ZNF225: variants seen among roughly 807,000 people sequenced by gnomAD.
ZNF225 encodes zinc finger protein 225.
Under a neutral mutation model 12.0 loss-of-function variants are expected in ZNF225, and 6 were observed. The ratio of observed to expected loss-of-function variants is 0.50; its 90% CI spans 0.27 to 0.98. The LOEUF (loss-of-function observed/expected upper bound fraction) is 0.98. Ranked by LOEUF, ZNF225 falls within the 50% of genes least tolerant of loss-of-function variation. ZNF225 has a pLI of 0.11. For missense variants in ZNF225, 763 were observed against 848.2 expected (o/e 0.90, Z 1.25); for synonymous variants, 271 against 283.2 (o/e 0.96, Z 0.43).
chr19:44,131,777 C>T lies in ZNF225; in HGVS notation c.1163C>T (p.Ser388Leu). ...AGCTTCAGATGGGCCTCAGGTCTTT[C>T]AAGACATGTGCGAGTCCACAGTGGA... ...GKSFRWASGL[S>L]RHVRVHSGET... Residue 388 changes from serine (S) to leucine (L), a missense_variant, in exon 5 of 5, where the codon TCA becomes TTA. Transcript: ENST00000262894. 6.2e-7 allele frequency: 1 copy of T among 1,613,902 alleles called. No homozygotes were observed. The highest frequency in any genetic ancestry group is 1.6e-4 in the Middle Eastern group (1 of 6,062).
rs988627546 is a variant in ZNF225, at chr19:44,132,212, T to C, written c.1598T>C (p.Val533Ala). 6.2e-7 allele frequency: 1 copy of C among 1,612,468 alleles called. No homozygotes were observed. The highest frequency in any genetic ancestry group is 1.3e-5 in the African/African-American group (1 of 74,286). ...TCACAACTTTATTCTCATCGCAGAG[T>C]CCACACTGGAGTAAAGCCATACAAA... ...QNSQLYSHRR[V>A]HTGVKPYKCE... Residue 533 changes from valine (V) to alanine (A), a missense_variant, in exon 5 of 5, where the codon GTC becomes GCC. Val to Ala is a moderately conservative substitution (Grantham distance 64). Transcript: ENST00000262894.
chr19:44,122,759 A>G (rs2147562003), intron 4 of ZNF225, among the ~76,000 whole-genome samples: 1 of 151,972 alleles, frequency 6.6e-6, no homozygotes, highest in East Asian at 1.9e-4. Context: ...TTTTGCAACT[A>G]TTATAATAGG....
rs1253140972 is a variant in ZNF225 at position 44,130,982 on chromosome 19, A to T, written c.368A>T (p.Gln123Leu). The change falls in exon 5 of 5, where the codon CAG becomes CTG. Residue 123 changes from glutamine to leucine, a missense_variant. By Grantham distance (113) the Gln-to-Leu change is moderately radical. Transcript: ENST00000262894. ...CAAGACTCCATGGTAAACAGCTTTC[A>T]GTTCTCCAAACAAGATGATATGCCC... ...RFQDSMVNSF[Q>L]FSKQDDMPCQ... 1 of 1,614,066 alleles carries T rather than the reference A, an allele frequency of 6.2e-7. No individual in the cohort carries two copies. The highest frequency in any genetic ancestry group is 2.2e-5 in the East Asian group (1 of 44,862).
rs1199585714 is a variant in ZNF225 at position 44,130,973 on chromosome 19, A to G, written c.359A>G (p.Asn120Ser). ...ACCAGGTTTCAAGACTCCATGGTAA[A>G]CAGCTTTCAGTTCTCCAAACAAGAT... ...DLTRFQDSMV[N>S]SFQFSKQDDM... Residue 120 changes from asparagine (N) to serine (S), a missense_variant, in exon 5 of 5, where the codon AAC (asparagine) becomes AGC (serine). Coordinates refer to ENST00000262894, the MANE Select transcript of ZNF225 (RefSeq NM_013362.4). 5.6e-6 allele frequency: 9 copies of G among 1,613,960 alleles called. No individual in the cohort carries two copies. Among genetic ancestry groups the G allele is most frequent in the Non-Finnish European group, 7.6e-6 (9 of 1,179,970 alleles).
At chr19:44,125,899 T>A (rs994452164) in intron 4 of ZNF225, among the ~76,000 whole-genome samples, 4 of 152,170 alleles carry the variant, frequency 2.6e-5, no homozygotes, top group Admixed American at 2.6e-4. Context: ...TATTTTTTTT[T>A]ATTTAAGCTA....
chr19:44,113,112 G>A (rs1967862412), upstream of ZNF225: 1 of 152,346 alleles, frequency 6.6e-6, no homozygotes. Context: ...GCATTCGGAG[G>A]AGTGTAATCC....
At chr19:44,116,713 G>A (rs1164412905) in intron 2 of ZNF225, among the ~76,000 whole-genome samples, 1 of 152,028 alleles carries the variant, frequency 6.6e-6, no homozygotes. Flanking sequence ...AAAAGGTGAT[G>A]GTATTATTTA....
At chr19:44,112,905 G>A (rs1967858846), upstream of ZNF225, 1 of 152,202 alleles carries the variant, frequency 6.6e-6, no homozygotes, top group Non-Finnish European at 1.5e-5. Context: ...TATCATTGGA[G>A]GCGTTTAGAC....
chr19:44,113,146 A>G (rs545858581), upstream of ZNF225: 3 of 152,548 alleles, frequency 2.0e-5, no homozygotes, highest in Non-Finnish European at 4.4e-5. Flanking sequence ...AGTCGTACAC[A>G]CTGGCTCCAG....
chr19:44,125,830 T>C (rs370724388), intron 4 of ZNF225, among the ~76,000 whole-genome samples: 287 of 152,322 alleles, frequency 1.9e-3, no homozygotes, highest in African/African-American at 6.3e-3. Flanking sequence ...ATTCTATTGC[T>C]GAGACTTTCC....
chr19:44,125,773 C>G (rs767422741), intron 4 of ZNF225, among the ~76,000 whole-genome samples: 1 of 152,076 alleles, frequency 6.6e-6, no homozygotes, highest in South Asian at 2.1e-4. Context: ...TGGGTTAATT[C>G]GAAGAACTTG....
chr19:44,130,623 C>T (rs536798389), intron 4 of ZNF225: 2 of 392,864 alleles, frequency 5.1e-6, no homozygotes, highest in East Asian at 4.6e-5. Flanking sequence ...GTGTGAACAA[C>T]CCAGGAGGTG....
At position 44,131,608 on chromosome 19, in the gene ZNF225, A is replaced by T. The variant is rs759087212; in HGVS notation, c.994A>T (p.Asn332Tyr). The change falls in exon 5 of 5, where the codon AAT (asparagine) becomes TAT (tyrosine). Residue 332 changes from asparagine to tyrosine, a missense_variant. Coordinates refer to ENST00000262894, the MANE Select transcript of ZNF225 (RefSeq NM_013362.4). ...GKSFGLKSAL[N>Y]SHRMVHTGEK... ...GAGCTTTGGTCTGAAATCAGCACTT[A>T]ATAGTCATCGCATGGTCCACACAGG... 2.9e-5 allele frequency: 47 copies of T among 1,614,060 alleles called. No individual in the cohort carries two copies. Among genetic ancestry groups the T allele is most frequent in the Non-Finnish European group, 3.7e-5 (44 of 1,180,036 alleles).
chr19:44,124,733 T>G (rs998695451), intron 4 of ZNF225, among the ~76,000 whole-genome samples: 2 of 152,220 alleles, frequency 1.3e-5, no homozygotes, highest in African/African-American at 4.8e-5. Flanking sequence ...TTATGATATT[T>G]TCCTGTTGGA....
At chr19:44,128,034 C>G (rs1968182645) in intron 4 of ZNF225, among the ~76,000 whole-genome samples, 2 of 152,202 alleles carry the variant, frequency 1.3e-5, no homozygotes, top group South Asian at 4.1e-4. Flanking sequence ...TCTGATGTCT[C>G]AGAAAATAAC....
chr19:44,112,858 G>A (rs562124581), upstream of ZNF225: 2 of 152,246 alleles, frequency 1.3e-5, no homozygotes, highest in African/African-American at 2.4e-5. Flanking sequence ...CGAAGACTGT[G>A]TCTTCTCGCT....
At chr19:44,116,526 A>G (rs1397825556) in intron 2 of ZNF225, among the ~76,000 whole-genome samples, 3 of 152,250 alleles carry the variant, frequency 2.0e-5, no homozygotes, top group Admixed American at 2.0e-4. Context: ...ACACAATGTT[A>G]CCAGAAAATA....
Position 44,129,024 on chromosome 19 carries a change from T to G in ZNF225, c.236-1826T>G. On this transcript the variant is annotated intron_variant, in intron 4 of 4. Transcript: ENST00000262894. The stretch of plus-strand genomic sequence containing the variant: ...CATTGTCTCATCAGGATCATCCCCC[T>G]TTGTGTATTTCTGTCAGGTCCAGCC... 5 of 1,228,228 alleles carry G rather than the reference T, an allele frequency of 4.1e-6. No individual in the cohort carries two copies. The South Asian group carries it at 1.7e-4, about 41-fold the overall frequency. 76.1% of individuals were successfully genotyped at this position (1,228,228 alleles called of 1,614,324 possible).
chr19:44,128,458 T>C (rs955116978), intron 4 of ZNF225: 1 of 152,196 alleles, frequency 6.6e-6, no homozygotes, highest in African/African-American at 2.4e-5. Flanking sequence ...AAATCTCTTA[T>C]TTATAAGGGA....
Sources: gnomAD v4.1 joint callset for allele counts (sites outside exome capture counted in the v4.1 genomes callset) on GRCh38, gnomAD v4.1.1 for gene constraint, MANE v1.5 for transcripts, NCBI Gene and HGNC (gene_info 2026-07-23, HGNC 2026-07-21) for gene names.